Variants in RPTOR observed in about 807,000 individuals in gnomAD.
RPTOR encodes regulatory-associated protein of mTOR.
A neutral mutation model predicts 169.9 loss-of-function variants in RPTOR; 21 were observed. That is an observed-to-expected ratio of 0.12 (90% CI 0.09 to 0.18). The LOEUF (loss-of-function observed/expected upper bound fraction) is 0.18. Ranked by LOEUF, RPTOR falls within the 10% of genes least tolerant of loss-of-function variation. RPTOR has a pLI of 1.00. For synonymous variants in RPTOR, 732 were observed against 753.2 expected, an observed-to-expected ratio of 0.97 and a Z score of 0.46; for missense variants, 1,133 against 1,855.9, an observed-to-expected ratio of 0.61 and a Z score of 7.16.
At position 80,964,195 on chromosome 17, in the gene RPTOR, G is replaced by T. The variant is rs1487835443; in HGVS notation, c.3940-67G>T. ...TGCCTAAGGATGCGGGTTGGCCTGC[G>T]CCCCCCCGCCCCCCGCAGTGTCTGC... is the stretch of plus-strand genomic sequence containing the variant. On this transcript the variant is annotated intron_variant, in intron 33 of 33. Transcript: ENST00000306801. The T allele has an allele frequency of 2.7e-6, 3 of 1,105,504 alleles. No homozygotes were observed. In the African/African-American group the frequency reaches 4.6e-5, roughly 17 times the overall value. 68.5% of individuals were successfully genotyped at this position (1,105,504 alleles called of 1,614,324 possible). A position where few individuals can be genotyped will look rare whatever the true frequency, so the allele number is the denominator to read the frequency against.
At chr17:80,622,731 T>A (rs956329007) in intron 1 of RPTOR, among the ~76,000 whole-genome samples, 1 of 152,026 alleles carries the variant, frequency 6.6e-6, no homozygotes, top group African/African-American at 2.4e-5. Context: ...ACAAACCTCA[T>A]CTCTACCAAA....
chr17:80,630,926 C>G (rs2065437148), intron 2 of RPTOR, among the ~76,000 whole-genome samples: 1 of 152,160 alleles, frequency 6.6e-6, no homozygotes, highest in Non-Finnish European at 1.5e-5. Flanking sequence ...CTCTGTGGTC[C>G]TGGTCTCTCT....
At chr17:80,780,294 G>A (rs561207367) in intron 6 of RPTOR, among the ~76,000 whole-genome samples, 6 of 152,270 alleles carry the variant, frequency 3.9e-5, no homozygotes, top group African/African-American at 1.2e-4. Context: ...TGGAGCCGTC[G>A]GTGGAGAAGA....
intron 4 of RPTOR, among the ~76,000 whole-genome samples, chr17:80,711,517 G>A (rs4889888): frequency 1 from 151,708 of 152,214 alleles, 75,608 homozygotes; most frequent in Middle Eastern, 1. Flanking sequence ...CCATGTTTGT[G>A]TTTTCCCAAG....
In RPTOR at chr17:80,782,606, G is replaced by T. The variant is rs986202100; in HGVS notation, c.831-8844G>T. 3.9e-5 allele frequency among the ~76,000 whole-genome samples: 6 copies of T among 152,134 alleles called. No homozygotes were observed. In the East Asian group the frequency reaches 9.7e-4, roughly 24 times the overall value. ...GTTTCCGGGGATCTCAGCCCCAGCC[G>T]TTGCCCCATAGCTGTTCCTCAGCAC... On this transcript the variant is annotated intron_variant, in intron 6 of 33. Transcript: ENST00000306801.
intron 28 of RPTOR, among the ~76,000 whole-genome samples, chr17:80,950,295 A>G (rs2069158022): frequency 6.6e-6 from 1 of 152,090 alleles, no homozygotes; most frequent in South Asian, 2.1e-4. Flanking sequence ...CCGGTTTGTG[A>G]TTTCTGTGTC....
intron 5 of RPTOR, among the ~76,000 whole-genome samples, chr17:80,744,865 T>TCCTGGCTACTAGCACAGC (rs2066552008): frequency 2.0e-5 from 1 of 50,468 alleles, no homozygotes; most frequent in Non-Finnish European, 3.5e-5. Context: ...ACTAGCACTG[T>TCCTGGCTACTAGCACAGC]CCTGGTTACG....
chr17:80,682,657 G>A (rs927213332), intron 3 of RPTOR, among the ~76,000 whole-genome samples: 7 of 152,238 alleles, frequency 4.6e-5, no homozygotes, highest in African/African-American at 1.7e-4. Flanking sequence ...GCGTGGCCCT[G>A]CTGACTTAGT....
chr17:80,808,684 T>G (rs551750370), intron 7 of RPTOR, among the ~76,000 whole-genome samples: 2 of 152,310 alleles, frequency 1.3e-5, no homozygotes, highest in East Asian at 3.9e-4. Context: ...TCCCTCTCCT[T>G]ATCCCTCAAG....
chr17:80,580,232 T>C (rs890333485), intron 1 of RPTOR, among the ~76,000 whole-genome samples: 2 of 152,230 alleles, frequency 1.3e-5, no homozygotes, highest in Non-Finnish European at 2.9e-5. Flanking sequence ...GATGAGACAG[T>C]GTATAAATCT....
intron 1 of RPTOR, among the ~76,000 whole-genome samples, chr17:80,615,009 A>T (rs998261450): frequency 4.6e-5 from 7 of 152,004 alleles, no homozygotes; most frequent in Non-Finnish European, 1.0e-4. Flanking sequence ...TCATGGGGAG[A>T]GTTCTGACGT....
chr17:80,608,924 G>A (rs8081087), intron 1 of RPTOR, among the ~76,000 whole-genome samples: 8,448 of 152,240 alleles, frequency 0.055, 294 homozygotes, highest in Non-Finnish European at 0.082. Context: ...CCTATTAGTC[G>A]CAAAATTTGC....
At chr17:80,828,168 G>A (rs1054996432) in intron 9 of RPTOR, among the ~76,000 whole-genome samples, 2 of 152,194 alleles carry the variant, frequency 1.3e-5, no homozygotes, top group African/African-American at 4.8e-5. Context: ...ATCGTTGTCA[G>A]CGTGAGGAAG....
At chr17:80,594,678 AGAACC>A (rs764311906) in intron 1 of RPTOR, among the ~76,000 whole-genome samples, 10 of 152,256 alleles carry the variant, frequency 6.6e-5, no homozygotes, top group Admixed American at 1.3e-4. Flanking sequence ...CTCAGCAGAG[AGAACC>A]AGCCATTACT....
At chr17:80,777,063 A>G (rs552602292) in intron 6 of RPTOR, among the ~76,000 whole-genome samples, 117 of 152,128 alleles carry the variant, frequency 7.7e-4, no homozygotes, top group Non-Finnish European at 1.4e-3. Context: ...ACATGGAGAA[A>G]CCCTGTCTAC....
intron 6 of RPTOR, among the ~76,000 whole-genome samples, chr17:80,756,889 A>G (rs1160266167): frequency 6.6e-6 from 1 of 152,214 alleles, no homozygotes; most frequent in Admixed American, 6.5e-5. Context: ...GTCGTAGTCT[A>G]TTATAGCAAC....
intron 13 of RPTOR, among the ~76,000 whole-genome samples, chr17:80,859,343 A>G (rs552407964): frequency 3.9e-5 from 6 of 152,344 alleles, no homozygotes; most frequent in African/African-American, 1.4e-4. Flanking sequence ...CATTTATAGA[A>G]CGTGAAGATT....
At chr17:80,890,583 TGA>T (rs1398980466) in intron 17 of RPTOR, among the ~76,000 whole-genome samples, 1 of 152,060 alleles carries the variant, frequency 6.6e-6, no homozygotes, top group East Asian at 1.9e-4. Context: ...TTCTGAGCAG[TGA>T]GAGACTTGCA....
intron 2 of RPTOR, among the ~76,000 whole-genome samples, chr17:80,635,818 G>A (rs1234530053): frequency 1.3e-5 from 2 of 152,146 alleles, no homozygotes; most frequent in Admixed American, 1.3e-4. Context: ...AGGCAGATGA[G>A]GTGGTGAAGC....
Sources: allele counts gnomAD v4.1 joint callset (sites outside exome capture counted in the v4.1 genomes callset), GRCh38; gene constraint gnomAD v4.1.1; transcripts MANE v1.5; gene names NCBI Gene and HGNC (gene_info 2026-07-23, HGNC 2026-07-21).